The following HUS1B variants were observed in gnomAD, a reference collection of about 807,000 sequenced individuals.
The protein encoded by HUS1B is checkpoint protein HUS1B.
For synonymous variants in HUS1B, 207 were observed against 176.2 expected (o/e 1.17, Z -1.38); for missense variants, 475 against 390.4 (o/e 1.22, Z -1.83).
chr6:656,579 C>T lies in HUS1B; in HGVS notation c.366G>A (p.Leu122=). 1.3e-6 allele frequency: 2 copies of T among 1,592,532 alleles called. No individual in the cohort carries two copies. The highest frequency in any genetic ancestry group is 3.4e-4 in the Middle Eastern group (2 of 5,960). The part of the protein sequence containing the change: ...LTVAVELVSS[L]GRARSVVHDL... ...CGTGCACCACGCTGCGAGCGCGGCC[C>T]AGGGACGAGACCAGCTCCACCGCCA... Residue 122 remains leucine, a synonymous_variant, in exon 1 of 1, where the codon CTG becomes CTA. Transcript: ENST00000380907.
chr6:656,719 C>G lies in HUS1B; in HGVS notation c.226G>C (p.Asp76His), dbSNP rs371301949. 2 of 1,595,770 alleles carry G rather than the reference C, an allele frequency of 1.3e-6. No homozygotes were observed. The highest frequency in any genetic ancestry group is 1.3e-5 in the African/African-American group (1 of 74,376). The change falls in exon 1 of 1, where the codon GAT becomes CAT. Residue 76 changes from aspartate (D) to histidine (H), a missense_variant. By Grantham distance (81) the Asp-to-His change is moderately conservative. Transcript: ENST00000380907. ...GCCGTCAGCTCCAGGTGGATCTCAT[C>G]GAGATCTTCCGAGACACCTTCCATG... ...FRMEGVSEDLDEIHLELTAEH... is the reference protein window; with the variant it reads ...FRMEGVSEDLHEIHLELTAEH...
rs966284046 is a variant in HUS1B at position 655,980 on chromosome 6, G to A, written c.*128C>T. The stretch of plus-strand genomic sequence containing the variant: ...TAATATAAATTTTGCAAAGGAGGAA[G>A]GGCTCAACAAAATATACGCCCTGCA... On this transcript the variant is annotated 3_prime_UTR_variant, in exon 1 of 1. Coordinates refer to ENST00000380907, the MANE Select transcript of HUS1B (RefSeq NM_148959.4). 1 of 680,636 alleles carries A rather than the reference G, an allele frequency of 1.5e-6. No individual in the cohort carries two copies. The highest frequency in any genetic ancestry group is 2.5e-6 in the Non-Finnish European group (1 of 395,654). The allele number at this position is 680,636 out of a possible 1,614,324, so 42.2% of individuals were successfully genotyped here. A position where few individuals can be genotyped will look rare whatever the true frequency, so the allele number is the denominator to read the frequency against.
At position 656,203 on chromosome 6, in the gene HUS1B, T is replaced by C. The variant is rs1423699694; in HGVS notation, c.742A>G (p.Thr248Ala). Residue 248 changes from threonine to alanine, a missense_variant, in exon 1 of 1, where the codon ACG becomes GCG. Physicochemically the swap from Thr to Ala is moderately conservative, Grantham distance 58. Transcript: ENST00000380907. ...QFLEGQQIHP[T>A]TALCNIWDNT... The stretch of plus-strand genomic sequence containing the variant: ...TCCCAAATATTGCACAGGGCCGTCG[T>C]AGGATGTATTTGCTGTCCCTCCAAA... 4 of 1,614,206 alleles carry C rather than the reference T, an allele frequency of 2.5e-6. No homozygotes were observed. Among genetic ancestry groups the C allele is most frequent in the South Asian group, 1.1e-5 (1 of 91,078 alleles).
rs753514689 is a variant in HUS1B, at chr6:656,734, C to T, written c.211G>A (p.Val71Ile). The T allele has an allele frequency of 1.9e-6, 3 of 1,592,736 alleles. No individual in the cohort carries two copies. In the Admixed American group the frequency reaches 5.2e-5, roughly 28 times the overall value. The change falls in exon 1 of 1, where the codon GTC becomes ATC. Residue 71 changes from valine to isoleucine, a missense_variant. Coordinates refer to ENST00000380907, the MANE Select transcript of HUS1B (RefSeq NM_148959.4). The part of the protein sequence containing the change: ...GAFQQFRMEG[V>I]SEDLDEIHLE... ...TGGATCTCATCGAGATCTTCCGAGA[C>T]ACCTTCCATGCGAAACTGCTGGAAG...
rs1763106241 is a variant in HUS1B at position 656,547 on chromosome 6, G to A, written c.398C>T (p.Pro133Leu). 3 of 1,599,844 alleles carry A rather than the reference G, an allele frequency of 1.9e-6. No individual in the cohort carries two copies. Among genetic ancestry groups the A allele is most frequent in the African/African-American group, 2.7e-5 (2 of 74,720 alleles). Residue 133 changes from proline to leucine, a missense_variant, in exon 1 of 1, where the codon CCC (proline) becomes CTC (leucine). Transcript: ENST00000380907. ...CACTCTCCTGGGAAGCACCCGCACG[G>A]GCAGATCGTGCACCACGCTGCGAGC... ...GRARSVVHDL[P>L]VRVLPRRVWR...
Position 655,993 on chromosome 6 carries a change from T to C in HUS1B, c.*115A>G. On this transcript the variant is annotated 3_prime_UTR_variant, in exon 1 of 1. Transcript: ENST00000380907. ...GCAAAGGAGGAAGGGCTCAACAAAATATACGCCCTGCATAAGTCAGTGAAG... is the reference window on the plus strand; with the variant it reads ...GCAAAGGAGGAAGGGCTCAACAAAACATACGCCCTGCATAAGTCAGTGAAG... 1.3e-6 allele frequency: 1 copy of C among 741,570 alleles called. No homozygotes were observed. The highest frequency in any genetic ancestry group is 2.3e-6 in the Non-Finnish European group (1 of 441,710). The allele number at this position is 741,570 out of a possible 1,614,324, so 45.9% of individuals were successfully genotyped here.
chr6:656,115 G>A lies in HUS1B; in HGVS notation c.830C>T (p.Ala277Val), dbSNP rs756513048. 5 of 1,598,540 alleles carry A rather than the reference G, an allele frequency of 3.1e-6. No homozygotes were observed. The highest frequency in any genetic ancestry group is 1.1e-5 in the South Asian group (1 of 89,874). Residue 277 changes from alanine (A) to valine (V), a missense_variant, in exon 1 of 1, where the codon GCC becomes GTC. By Grantham distance (64) the Ala-to-Val change is moderately conservative. Transcript: ENST00000380907. The stretch of plus-strand genomic sequence containing the variant: ...TCTAAGCTGGCTGAATTTTTACAAG[G>A]CAGGAATGAAATACTGAAGAGAGAC... ...EDVSLQYFIP[A>V]L
rs774752902 is a variant in HUS1B at position 656,506 on chromosome 6, G to C, written c.439C>G (p.Pro147Ala). ...GCGTCGGAGGCGCGCAGGCTGGGCG[G>C]CAGGCAGTCCCGCCACACTCTCCTG... ...LPRRVWRDCLPPSLRASDASI... is the reference protein window; with the variant it reads ...LPRRVWRDCLAPSLRASDASI... Residue 147 changes from proline to alanine, a missense_variant, in exon 1 of 1, where the codon CCG becomes GCG. By Grantham distance (27) the Pro-to-Ala change is conservative (BLOSUM62 -1). Transcript: ENST00000380907. The C allele has an allele frequency of 6.2e-7, 1 of 1,605,568 alleles. No individual in the cohort carries two copies. Among genetic ancestry groups the C allele is most frequent in the Non-Finnish European group, 8.5e-7 (1 of 1,177,844 alleles).
In HUS1B at chr6:656,788, T is replaced by C. The variant is rs1344070402; in HGVS notation, c.157A>G (p.Arg53Gly). Residue 53 changes from arginine (R) to glycine (G), a missense_variant, in exon 1 of 1, where the codon AGG becomes GGG. Coordinates refer to ENST00000380907, the MANE Select transcript of HUS1B (RefSeq NM_148959.4). Reference sequence around the variant, plus strand: ...CCCTGCCGCACCTCGCACCACAGCCTGGCCTCGTGGAGGCCGCCGGAACCC... The same window carrying C: ...CCCTGCCGCACCTCGCACCACAGCCCGGCCTCGTGGAGGCCGCCGGAACCC... Reference protein sequence around the residue: ...PAGSGGLHEARLWCEVRQGAF... With the variant: ...PAGSGGLHEAGLWCEVRQGAF... 6.2e-7 allele frequency: 1 copy of C among 1,602,742 alleles called. No individual in the cohort carries two copies. Among genetic ancestry groups the C allele is most frequent in the Non-Finnish European group, 8.5e-7 (1 of 1,173,420 alleles).
chr6:656,901 A>G lies in HUS1B; in HGVS notation c.44T>C (p.Leu15Pro). 6.4e-7 allele frequency: 1 copy of G among 1,560,282 alleles called. No homozygotes were observed. Among genetic ancestry groups the G allele is most frequent in the Non-Finnish European group, 8.7e-7 (1 of 1,149,618 alleles). Residue 15 changes from leucine (L) to proline (P), a missense_variant, in exon 1 of 1, where the codon CTG becomes CCG. Leu to Pro is a moderately conservative substitution (Grantham distance 98). Coordinates refer to ENST00000380907, the MANE Select transcript of HUS1B (RefSeq NM_148959.4). ...AKITGKGCLE[L>P]FIHVSGTVAR... ...GACGGTGCCGCTGACGTGAATGAAC[A>G]GCTCTAGACAGCCTTTGCCGGTGAT...
In HUS1B at chr6:656,018, G is replaced by T; in HGVS notation, c.*90C>A. Reference sequence around the variant, plus strand: ...TATACGCCCTGCATAAGTCAGTGAAGGTCCAAATTTTCAACCCAATTAACT... The same window carrying T: ...TATACGCCCTGCATAAGTCAGTGAATGTCCAAATTTTCAACCCAATTAACT... On this transcript the variant is annotated 3_prime_UTR_variant, in exon 1 of 1. Coordinates refer to ENST00000380907, the MANE Select transcript of HUS1B (RefSeq NM_148959.4). The T allele has an allele frequency of 1.1e-6, 1 of 933,834 alleles. No individual in the cohort carries two copies. Among genetic ancestry groups the T allele is most frequent in the Non-Finnish European group, 1.7e-6 (1 of 603,216 alleles). The allele number at this position is 933,834 out of a possible 1,614,324, so 57.8% of individuals were successfully genotyped here.
rs777995048 is a variant in HUS1B, at chr6:656,481, G to C, written c.464C>G (p.Ala155Gly). ...CCTCCAGCGCGGCAGGCGGATGCTCGCGTCGGAGGCGCGCAGGCTGGGCGG... is the reference window on the plus strand; with the variant it reads ...CCTCCAGCGCGGCAGGCGGATGCTCCCGTCGGAGGCGCGCAGGCTGGGCGG... ...CLPPSLRASD[A>G]SIRLPRWRTL... Residue 155 changes from alanine (A) to glycine (G), a missense_variant, in exon 1 of 1, where the codon GCG becomes GGG. Coordinates refer to ENST00000380907, the MANE Select transcript of HUS1B (RefSeq NM_148959.4). The C allele has an allele frequency of 1.2e-5, 19 of 1,609,398 alleles. No homozygotes were observed. The highest frequency in any genetic ancestry group is 4.4e-5 in the South Asian group (4 of 90,916).
Position 656,326 on chromosome 6 carries a change from G to A in HUS1B, c.619C>T (p.Leu207Phe), listed in dbSNP as rs780318637. 9 of 1,614,038 alleles carry A rather than the reference G, an allele frequency of 5.6e-6. No individual in the cohort carries two copies. In the East Asian group the frequency reaches 2.0e-4, roughly 36 times the overall value. Residue 207 changes from leucine to phenylalanine, a missense_variant, in exon 1 of 1, where the codon CTT (leucine) becomes TTT (phenylalanine). Physicochemically the swap from Leu to Phe is conservative, Grantham distance 22 (BLOSUM62 0). Coordinates refer to ENST00000380907, the MANE Select transcript of HUS1B (RefSeq NM_148959.4). Reference protein sequence around the residue: ...VVSIQSYFKNLGNPPQSAVGV... With the variant: ...VVSIQSYFKNFGNPPQSAVGV... Reference sequence around the variant, plus strand: ...ACAGCCGACTGGGGAGGGTTTCCAAGATTTTTAAAATAACTTTGAATGGAC... The same window carrying A: ...ACAGCCGACTGGGGAGGGTTTCCAAAATTTTTAAAATAACTTTGAATGGAC...
rs1337786826 is a variant in HUS1B, at chr6:656,817, G to A, written c.128C>T (p.Pro43Leu). ...CTCGTGGAGGCCGCCGGAACCCGCG[G>A]GGCCGAAGCACAGGCTGTCAGGGCG... ...RVRPDSLCFG[P>L]AGSGGLHEAR... Residue 43 changes from proline to leucine, a missense_variant, in exon 1 of 1, where the codon CCC becomes CTC. Pro to Leu is a moderately conservative substitution (Grantham distance 98, BLOSUM62 -3). Transcript: ENST00000380907. 2 of 1,609,384 alleles carry A rather than the reference G, an allele frequency of 1.2e-6. No individual in the cohort carries two copies. The highest frequency in any genetic ancestry group is 1.7e-5 in the Admixed American group (1 of 59,626).
chr6:657,081 C>T lies in HUS1B; in HGVS notation c.-137G>A, dbSNP rs546123332. Reference sequence around the variant, plus strand: ...CCAGCTAGGCAGGCACTCGGGTTCCCGGTTGCGGTTGCGGGTTCTGTTGTG... The same window carrying T: ...CCAGCTAGGCAGGCACTCGGGTTCCTGGTTGCGGTTGCGGGTTCTGTTGTG... On this transcript the variant is annotated 5_prime_UTR_variant, in exon 1 of 1. Coordinates refer to ENST00000380907, the MANE Select transcript of HUS1B (RefSeq NM_148959.4). 86 of 664,768 alleles carry T rather than the reference C, an allele frequency of 1.3e-4. 1 individual carries two copies. In the African/African-American group the frequency reaches 1.5e-3, roughly 11 times the overall value. The allele number at this position is 664,768 out of a possible 1,614,324, so 41.2% of individuals were successfully genotyped here.
chr6:656,695 C>A lies in HUS1B; in HGVS notation c.250G>T (p.Ala84Ser), dbSNP rs773517763. ...DLDEIHLELT[A>S]EHLSRAARSA... ...CTCGCCGCCCGGGACAGGTGCTCCG[C>A]CGTCAGCTCCAGGTGGATCTCATCG... Residue 84 changes from alanine to serine, a missense_variant, in exon 1 of 1, where the codon GCG (alanine) becomes TCG (serine). Transcript: ENST00000380907. The A allele has an allele frequency of 3.1e-6, 5 of 1,605,730 alleles. No individual in the cohort carries two copies. The Admixed American group carries it at 8.5e-5, about 27-fold the overall frequency.
chr6:656,578 C>A lies in HUS1B; in HGVS notation c.367G>T (p.Gly123Cys), dbSNP rs772710009. Residue 123 changes from glycine (G) to cysteine (C), a missense_variant, in exon 1 of 1, where the codon GGC becomes TGC. By Grantham distance (159) the Gly-to-Cys change is radical. Coordinates refer to ENST00000380907, the MANE Select transcript of HUS1B (RefSeq NM_148959.4). ...TVAVELVSSL[G>C]RARSVVHDLP... ...TCGTGCACCACGCTGCGAGCGCGGC[C>A]CAGGGACGAGACCAGCTCCACCGCC... 3.8e-6 allele frequency: 6 copies of A among 1,592,286 alleles called. No homozygotes were observed. The highest frequency in any genetic ancestry group is 5.1e-6 in the Non-Finnish European group (6 of 1,170,112).
In HUS1B at chr6:656,600, C is replaced by G; in HGVS notation, c.345G>C (p.Ala115=). The change falls in exon 1 of 1, where the codon GCG becomes GCC. Residue 115 remains alanine (A), a synonymous_variant. Transcript: ENST00000380907. ...THKRRPSLTV[A]VELVSSLGRA... ...GGCCCAGGGACGAGACCAGCTCCAC[C>G]GCCACCGTGAGGGAGGGGCGGCGCT... 6.3e-7 allele frequency: 1 copy of G among 1,596,024 alleles called. No homozygotes were observed. The highest frequency in any genetic ancestry group is 8.5e-7 in the Non-Finnish European group (1 of 1,171,618).
In HUS1B at chr6:656,337, T is replaced by C. The variant is rs1377112277; in HGVS notation, c.608A>G (p.Tyr203Cys). The change falls in exon 1 of 1, where the codon TAT (tyrosine) becomes TGT (cysteine). Residue 203 changes from tyrosine (Y) to cysteine (C), a missense_variant. Physicochemically the swap from Tyr to Cys is radical, Grantham distance 194. Coordinates refer to ENST00000380907, the MANE Select transcript of HUS1B (RefSeq NM_148959.4). ...GGGAGGGTTTCCAAGATTTTTAAAA[T>C]AACTTTGAATGGACACCACCTCCGT... ...IETEVVSIQS[Y>C]FKNLGNPPQS... 8 of 1,614,164 alleles carry C rather than the reference T, an allele frequency of 5.0e-6. No individual in the cohort carries two copies. The highest frequency in any genetic ancestry group is 4.0e-5 in the African/African-American group (3 of 75,044).
Sources: gnomAD v4.1 joint callset for allele counts on GRCh38, gnomAD v4.1.1 for gene constraint, MANE v1.5 for transcripts, NCBI Gene and HGNC (gene_info 2026-07-23, HGNC 2026-07-21) for gene names.